Variants in PSD3 observed in about 807,000 individuals in gnomAD.
The protein encoded by PSD3 is pleckstrin and Sec7 domain containing 3, also known as PH and SEC7 domain-containing protein 3.
Under a neutral mutation model 105.5 loss-of-function variants are expected in PSD3, and 49 were observed. The ratio of observed to expected loss-of-function variants is 0.46; its 90% CI spans 0.37 to 0.59. PSD3 has a LOEUF of 0.59. Ranked by LOEUF, PSD3 falls within the 20% of genes least tolerant of loss-of-function variation. PSD3 has a pLI of 0.00. For missense variants in PSD3, 1,561 were observed against 1,263.8 expected (o/e 1.24, Z -3.57); for synonymous variants, 557 against 457.8 (o/e 1.22, Z -2.77).
chr8:18,788,454 G>C (rs567232309), intron 8 of PSD3, among the ~76,000 whole-genome samples: 1 of 152,154 alleles, frequency 6.6e-6, no homozygotes, highest in Non-Finnish European at 1.5e-5. Context: ...ACAAAGCTCT[G>C]ACCATCGCCT....
At chr8:18,956,366 C>G (rs1395839885) in intron 1 of PSD3, among the ~76,000 whole-genome samples, 1 of 152,146 alleles carries the variant, frequency 6.6e-6, no homozygotes, top group Non-Finnish European at 1.5e-5. Context: ...TGACAGTCTG[C>G]ATTTCTAACA....
At chr8:18,928,103 A>C (rs1230095773) in intron 2 of PSD3, among the ~76,000 whole-genome samples, 2 of 152,198 alleles carry the variant, frequency 1.3e-5, no homozygotes, top group African/African-American at 4.8e-5. Flanking sequence ...ACCCAAATGT[A>C]TGGTTTGGCT....
intron 15 of PSD3, among the ~76,000 whole-genome samples, chr8:18,551,603 G>C (rs1437774136): frequency 6.6e-6 from 1 of 152,118 alleles, no homozygotes; most frequent in Non-Finnish European, 1.5e-5. Flanking sequence ...GAATTTCCTA[G>C]CCATGTGGTT....
At chr8:18,679,035 T>C (rs1430038863) in intron 9 of PSD3, among the ~76,000 whole-genome samples, 1 of 41,386 alleles carries the variant, frequency 2.4e-5, no homozygotes, top group Non-Finnish European at 1.2e-4. Flanking sequence ...TAAAGACATT[T>C]GCAAGAAAAT....
chr8:18,804,080 T>A (rs1810977409), intron 6 of PSD3, among the ~76,000 whole-genome samples: 1 of 152,198 alleles, frequency 6.6e-6, no homozygotes, highest in African/African-American at 2.4e-5. Flanking sequence ...AATTCATGTG[T>A]CATTTCGTTA....
chr8:18,554,140 C>G (rs921444901), intron 15 of PSD3, among the ~76,000 whole-genome samples: 2 of 152,192 alleles, frequency 1.3e-5, no homozygotes, highest in South Asian at 4.1e-4. Context: ...TGCAGCCACC[C>G]CCCACCTCCT....
At chr8:18,686,679 C>T (rs934070943) in intron 9 of PSD3, among the ~76,000 whole-genome samples, 9 of 152,152 alleles carry the variant, frequency 5.9e-5, no homozygotes, top group African/African-American at 2.2e-4. Context: ...TAAACTTAAT[C>T]CCAACCGCTT....
chr8:19,008,295 T>G (rs1826792111), intron 1 of PSD3, among the ~76,000 whole-genome samples: 2 of 152,182 alleles, frequency 1.3e-5, no homozygotes, highest in South Asian at 2.1e-4. Flanking sequence ...GCAAGAAATA[T>G]CTTGCCTCTT....
At position 19,041,969 on chromosome 8, in the gene PSD3, AT is replaced by A. The variant is rs5889845; in HGVS notation, c.324+42236del. Among the ~76,000 whole-genome samples the A allele has an allele frequency of 4.4e-4, 66 of 151,712 alleles. 1 individual carries two copies. The highest frequency in any genetic ancestry group is 1.4e-3 in the African/African-American group (59 of 41,364). ...CATTTTTTAAAAAATTCTATTTTGG[AT>A]TTTTTTTTAACTTTTTCATAATTCA... On this transcript the variant is annotated intron_variant, in intron 1 of 1. Transcript: ENST00000521475.
chr8:18,947,581 G>C (rs1004124468), intron 1 of PSD3, among the ~76,000 whole-genome samples: 56 of 152,218 alleles, frequency 3.7e-4, no homozygotes, highest in African/African-American at 1.3e-3. Context: ...GCCCAGAGCA[G>C]AGCCGCAGTG....
intron 4 of PSD3, among the ~76,000 whole-genome samples, chr8:18,814,998 C>T (rs1211235162): frequency 6.6e-6 from 1 of 152,190 alleles, no homozygotes; most frequent in Non-Finnish European, 1.5e-5. Context: ...TGTTAAAGAG[C>T]TGGGTACCCA....
chr8:18,623,450 A>C (rs1255923808), intron 11 of PSD3, among the ~76,000 whole-genome samples: 3 of 144,298 alleles, frequency 2.1e-5, no homozygotes, highest in Admixed American at 7.0e-5. Flanking sequence ...CGTCTCCCCA[A>C]AAAAAAAAAA....
intron 1 of PSD3, among the ~76,000 whole-genome samples, chr8:19,071,982 T>C (rs1054230126): frequency 6.6e-6 from 1 of 152,178 alleles, no homozygotes; most frequent in Non-Finnish European, 1.5e-5. Flanking sequence ...AGTGCTGGGA[T>C]TCCAGGCGTA....
intron 1 of PSD3, among the ~76,000 whole-genome samples, chr8:19,060,394 T>A (rs1235589855): frequency 6.6e-6 from 1 of 152,134 alleles, no homozygotes; most frequent in Non-Finnish European, 1.5e-5. Context: ...ACCACAGAGG[T>A]CTATAGATCT....
At chr8:18,555,583 C>A (rs1414332618) in intron 15 of PSD3, among the ~76,000 whole-genome samples, 1 of 152,164 alleles carries the variant, frequency 6.6e-6, no homozygotes. Flanking sequence ...TGGAAGAAAA[C>A]TGAGCCATGG....
At chr8:19,017,223 T>A (rs1827206743), upstream of PSD3, among the ~76,000 whole-genome samples, 1 of 151,874 alleles carries the variant, frequency 6.6e-6, no homozygotes, top group South Asian at 2.1e-4. Context: ...CAGCTAACTT[T>A]ACATTTATTT....
At chr8:18,724,578 C>T (rs952242996) in intron 9 of PSD3, among the ~76,000 whole-genome samples, 1 of 151,908 alleles carries the variant, frequency 6.6e-6, no homozygotes, top group East Asian at 1.9e-4. Flanking sequence ...CTCCATTGTA[C>T]TCCAGCCTGG....
At chr8:18,895,341 A>G (rs1819077188) in intron 2 of PSD3, among the ~76,000 whole-genome samples, 1 of 152,236 alleles carries the variant, frequency 6.6e-6, no homozygotes, top group Non-Finnish European at 1.5e-5. Flanking sequence ...TTTCAGATGC[A>G]TCATTAACAT....
Position 18,655,626 on chromosome 8 carries a change from C to G in PSD3, c.2216+16G>C. On this transcript the variant is annotated intron_variant, in intron 10 of 15. Coordinates refer to ENST00000327040, the MANE Select transcript of PSD3 (RefSeq NM_015310.4). ...GAGTAGTTCATTATTAAAAGGCTGACGTCCAGCACACTTACACTGCCCATT... is the reference window on the plus strand; with the variant it reads ...GAGTAGTTCATTATTAAAAGGCTGAGGTCCAGCACACTTACACTGCCCATT... The G allele has an allele frequency of 6.2e-7, 1 of 1,612,294 alleles. No homozygotes were observed. The highest frequency in any genetic ancestry group is 1.7e-5 in the Admixed American group (1 of 60,008).
Sources: allele counts gnomAD v4.1 joint callset (sites outside exome capture counted in the v4.1 genomes callset), GRCh38; gene constraint gnomAD v4.1.1; transcripts MANE v1.5; gene names NCBI Gene and HGNC (gene_info 2026-07-23, HGNC 2026-07-21).